Variants in GNB1 observed in about 807,000 individuals in gnomAD.
The protein encoded by GNB1 is guanine nucleotide-binding protein G(I)/G(S)/G(T) subunit beta-1.
GNB1 carries 2 observed loss-of-function variants against 42.9 expected under a neutral mutation model. The ratio of observed to expected loss-of-function variants is 0.05; its 90% CI spans 0.02 to 0.15. GNB1 has a LOEUF of 0.15. Among genes scored for constraint, GNB1 ranks in the 10% least tolerant of loss-of-function variants. The probability of loss-of-function intolerance (pLI) is 1.00; values close to 1 mark genes in which losing one functional copy is unlikely to be tolerated. For missense variants in GNB1, 193 were observed against 462.2 expected (o/e 0.42, Z 5.34); for synonymous variants, 183 against 174.7 (o/e 1.05, Z -0.38).
In GNB1 at chr1:1,806,252, T is replaced by C. The variant is rs571247703; in HGVS notation, c.267+223A>G. 4.6e-5 allele frequency among the ~76,000 whole-genome samples: 7 copies of C among 152,330 alleles called. No individual in the cohort carries two copies. The East Asian group carries it at 1.4e-3, about 29-fold the overall frequency. On this transcript the variant is annotated intron_variant, in intron 6 of 11. Transcript: ENST00000378609. ...AGCTCCCACCAGCTTGGTAAGGAGATGACGGACAACAGCACAACTGTGCCT... is the reference window on the plus strand; with the variant it reads ...AGCTCCCACCAGCTTGGTAAGGAGACGACGGACAACAGCACAACTGTGCCT...
chr1:1,835,347 ATT>A (rs1172545145), intron 2 of GNB1, among the ~76,000 whole-genome samples: 1 of 152,028 alleles, frequency 6.6e-6, no homozygotes, highest in East Asian at 1.9e-4. Context: ...CTCTGCCTAC[ATT>A]TTTTTGTCTG....
intron 3 of GNB1, among the ~76,000 whole-genome samples, chr1:1,820,763 T>C (rs1021677589): frequency 6.6e-6 from 1 of 152,198 alleles, no homozygotes; most frequent in African/African-American, 2.4e-5. Flanking sequence ...TGTAACAGAC[T>C]GTGGTGATAC....
At chr1:1,864,360 A>G (rs1364708137) in intron 1 of GNB1, among the ~76,000 whole-genome samples, 2 of 149,518 alleles carry the variant, frequency 1.3e-5, no homozygotes, top group Non-Finnish European at 3.0e-5. Context: ...CGAAAAAACT[A>G]TTCTTAGCTT....
chr1:1,885,234 G>A (rs1304022225), intron 1 of GNB1, among the ~76,000 whole-genome samples: 1 of 151,212 alleles, frequency 6.6e-6, no homozygotes, highest in Non-Finnish European at 1.5e-5. Flanking sequence ...CCAACATGGT[G>A]AAACCCCATC....
chr1:1,800,546 C>T (rs1425490506), intron 7 of GNB1, among the ~76,000 whole-genome samples: 3 of 152,034 alleles, frequency 2.0e-5, no homozygotes, highest in African/African-American at 4.8e-5. Flanking sequence ...CCCCCTGAGC[C>T]TCGGGGACAG....
chr1:1,815,194 G>A (rs1305235687), intron 5 of GNB1, among the ~76,000 whole-genome samples: 1 of 152,140 alleles, frequency 6.6e-6, no homozygotes, highest in African/African-American at 2.4e-5. Context: ...TAAACCAAAG[G>A]AAGGCAGGGC....
intron 7 of GNB1, among the ~76,000 whole-genome samples, chr1:1,800,293 T>C (rs1351340851): frequency 6.6e-6 from 1 of 152,184 alleles, no homozygotes; most frequent in Non-Finnish European, 1.5e-5. Context: ...TAAAACATGC[T>C]ATTATACAAG....
At chr1:1,843,575 G>A (rs2101299220) in intron 1 of GNB1, among the ~76,000 whole-genome samples, 1 of 152,246 alleles carries the variant, frequency 6.6e-6, no homozygotes, top group East Asian at 1.9e-4. Context: ...CATGACTCAA[G>A]ATTGGAGTAA....
chr1:1,813,397 C>T (rs1462096783), intron 5 of GNB1, among the ~76,000 whole-genome samples: 2 of 152,202 alleles, frequency 1.3e-5, no homozygotes, highest in East Asian at 1.9e-4. Context: ...AGGTGTGCGC[C>T]ACTGCATCCA....
chr1:1,791,689 G>A lies in GNB1; in HGVS notation c.498-1093C>T, dbSNP rs1329558307. Among the ~76,000 whole-genome samples, 3 of 152,178 alleles carry A rather than the reference G, an allele frequency of 2.0e-5. No homozygotes were observed. The East Asian group carries it at 5.8e-4, about 29-fold the overall frequency. On this transcript the variant is annotated intron_variant, in intron 8 of 11. Coordinates refer to ENST00000378609, the MANE Select transcript of GNB1 (RefSeq NM_002074.5). ...CAGCCTCAGAGGAAAGCCTGGCTGG[G>A]CCTGGCAATGCAAATCCAATCAGCC...
At chr1:1,856,072 G>C (rs549140153) in intron 1 of GNB1, among the ~76,000 whole-genome samples, 1 of 152,238 alleles carries the variant, frequency 6.6e-6, no homozygotes, top group Non-Finnish European at 1.5e-5. Flanking sequence ...ACCCAGGCTA[G>C]AGTGCAGTGG....
rs573963961 is a variant in GNB1, at chr1:1,789,392, T to TGGTAAGAACAGAGGGCTGGGCCG, written c.700-146_700-124dup. 3.3e-4 allele frequency: 219 copies of TGGTAAGAACAGAGGGCTGGGCCG among 656,752 alleles called. No homozygotes were observed. In the African/African-American group the frequency reaches 3.6e-3, roughly 11 times the overall value. 40.7% of individuals were successfully genotyped at this position (656,752 alleles called of 1,614,324 possible). A position where few individuals can be genotyped will look rare whatever the true frequency, so the allele number is the denominator to read the frequency against. Reference sequence around the variant, plus strand: ...GGCAAAGACCAGCAAGACTGTGCTCTGGTAAGAACAGAGGGCTGGGCCGGG... The same window carrying TGGTAAGAACAGAGGGCTGGGCCG: ...GGCAAAGACCAGCAAGACTGTGCTCTGGTAAGAACAGAGGGCTGGGCCGGGTAAGAACAGAGGGCTGGGCCGGG... On this transcript the variant is annotated intron_variant, in intron 9 of 11. Transcript: ENST00000378609.
chr1:1,818,454 G>GT (rs1327177047), intron 3 of GNB1: 1 of 152,230 alleles, frequency 6.6e-6, no homozygotes, highest in Non-Finnish European at 1.5e-5. Context: ...TCTCACGTCT[G>GT]TAATCCTAGC....
At chr1:1,876,006 C>T (rs756692249) in intron 1 of GNB1, among the ~76,000 whole-genome samples, 3 of 152,092 alleles carry the variant, frequency 2.0e-5, no homozygotes, top group Non-Finnish European at 2.9e-5. Flanking sequence ...GAAAAGCCCA[C>T]GTAAAACAGA....
chr1:1,880,418 C>G (rs1264858780), intron 1 of GNB1, among the ~76,000 whole-genome samples: 1 of 151,868 alleles, frequency 6.6e-6, no homozygotes, highest in African/African-American at 2.4e-5. Flanking sequence ...GAAACCCCGC[C>G]TCTACTAAAA....
At chr1:1,869,920 T>C (rs1649156368) in intron 1 of GNB1, among the ~76,000 whole-genome samples, 2 of 152,152 alleles carry the variant, frequency 1.3e-5, no homozygotes, top group South Asian at 4.1e-4. Context: ...TGGAGTGTAG[T>C]GGTACAATCT....
Position 1,890,827 on chromosome 1 carries a change from C to A in GNB1, c.-103G>T, listed in dbSNP as rs1650466295. ...GGGGGCTGCCGCGCTCACCTCAGCG[C>A]CCTCGTCGCGGCCTGACGCGCCCAC... On this transcript the variant is annotated 5_prime_UTR_variant, in exon 1 of 12. Coordinates refer to ENST00000378609, the MANE Select transcript of GNB1 (RefSeq NM_002074.5). 1 of 148,080 alleles carries A rather than the reference C, an allele frequency of 6.8e-6. No homozygotes were observed. The highest frequency in any genetic ancestry group is 1.5e-5 in the Non-Finnish European group (1 of 66,538). 9.2% of individuals were successfully genotyped at this position (148,080 alleles called of 1,614,324 possible). A position where few individuals can be genotyped will look rare whatever the true frequency, so the allele number is the denominator to read the frequency against.
At chr1:1,838,802 GA>G (rs933017363) in intron 2 of GNB1, among the ~76,000 whole-genome samples, 2 of 151,948 alleles carry the variant, frequency 1.3e-5, no homozygotes, top group Non-Finnish European at 1.5e-5. Context: ...GCTTTCTAAC[GA>G]AAAAAACTAG....
intron 1 of GNB1, among the ~76,000 whole-genome samples, chr1:1,841,694 A>T (rs1441973361): frequency 8.5e-5 from 13 of 152,196 alleles, no homozygotes; most frequent in African/African-American, 3.1e-4. Context: ...TAATTCATTT[A>T]CTTAAAGTAG....
Sources: allele counts gnomAD v4.1 joint callset (sites outside exome capture counted in the v4.1 genomes callset), GRCh38; gene constraint gnomAD v4.1.1; transcripts MANE v1.5; gene names NCBI Gene and HGNC (gene_info 2026-07-23, HGNC 2026-07-21).